The following FAM110B variants were observed in gnomAD, a reference collection of about 807,000 sequenced individuals.
FAM110B encodes family with sequence similarity 110 member B, also known as protein FAM110B.
Under a neutral mutation model 20.4 loss-of-function variants are expected in FAM110B, and 6 were observed. That is an observed-to-expected ratio of 0.29 (90% CI 0.16 to 0.58). The LOEUF is 0.58. Among genes scored for constraint, FAM110B ranks in the 20% least tolerant of loss-of-function variants. FAM110B has a pLI of 0.90. For missense variants in FAM110B, 434 were observed against 498.2 expected, an observed-to-expected ratio of 0.87 and a Z score of 1.23; for synonymous variants, 226 against 214.1, an observed-to-expected ratio of 1.06 and a Z score of -0.49.
At chr8:58,025,245 G>A (rs1399055999) in intron 1 of FAM110B, among the ~76,000 whole-genome samples, 1 of 152,212 alleles carries the variant, frequency 6.6e-6, no homozygotes, top group East Asian at 1.9e-4. Context: ...TCAAAGCTCA[G>A]GGAGGTCAAG....
chr8:58,021,387 C>T (rs183830740), intron 1 of FAM110B, among the ~76,000 whole-genome samples: 8 of 152,266 alleles, frequency 5.3e-5, no homozygotes, highest in Non-Finnish European at 1.0e-4. Context: ...AAGCATTGCT[C>T]TGTAGGACTT....
At chr8:57,997,128 C>T (rs1804200915) in intron 1 of FAM110B, among the ~76,000 whole-genome samples, 1 of 152,156 alleles carries the variant, frequency 6.6e-6, no homozygotes, top group Non-Finnish European at 1.5e-5. Flanking sequence ...AGAAGCAAAA[C>T]TGCTGTAGGC....
intron 2 of FAM110B, among the ~76,000 whole-genome samples, chr8:58,054,973 A>C (rs898305629): frequency 6.6e-6 from 1 of 152,000 alleles, no homozygotes; most frequent in East Asian, 1.9e-4. Flanking sequence ...GCTTAAAATG[A>C]TAAGTAATTC....
At chr8:58,120,129 G>A (rs1807319922) in intron 3 of FAM110B, among the ~76,000 whole-genome samples, 1 of 152,134 alleles carries the variant, frequency 6.6e-6, no homozygotes, top group Admixed American at 6.5e-5. Flanking sequence ...CCACATGGCT[G>A]GAGCATATTT....
At chr8:58,015,339 A>G (rs1804616689) in intron 1 of FAM110B, among the ~76,000 whole-genome samples, 1 of 152,028 alleles carries the variant, frequency 6.6e-6, no homozygotes, top group Non-Finnish European at 1.5e-5. Context: ...CCTGGACGAC[A>G]GAGCAAAACT....
At chr8:58,127,538 A>T (rs559685988) in intron 3 of FAM110B, among the ~76,000 whole-genome samples, 2 of 152,174 alleles carry the variant, frequency 1.3e-5, no homozygotes, top group Non-Finnish European at 2.9e-5. Context: ...GATTGTCTAC[A>T]TAGAAAATCT....
chr8:58,106,020 A>G (rs901465411), intron 3 of FAM110B, among the ~76,000 whole-genome samples: 3 of 152,208 alleles, frequency 2.0e-5, no homozygotes, highest in East Asian at 1.9e-4. Context: ...GTTGTAGTCC[A>G]TTGAATTAGA....
In FAM110B at chr8:58,046,177, A is replaced by G. The variant is rs138236324; in HGVS notation, c.-414+14474A>G. On this transcript the variant is annotated intron_variant, in intron 2 of 3. Transcript: ENST00000519262. Reference sequence around the variant, plus strand: ...TTCAGTAACATAAAATATGATATTCATTAAGCATGGTGGCCAAGTTAGCAT... The same window carrying G: ...TTCAGTAACATAAAATATGATATTCGTTAAGCATGGTGGCCAAGTTAGCAT... Among the ~76,000 whole-genome samples, 30 of 152,354 alleles carry G rather than the reference A, an allele frequency of 2.0e-4. No individual in the cohort carries two copies. The East Asian group carries it at 5.2e-3, about 26-fold the overall frequency.
At chr8:57,996,474 A>G (rs917345134) in intron 1 of FAM110B, among the ~76,000 whole-genome samples, 1 of 152,138 alleles carries the variant, frequency 6.6e-6, no homozygotes, top group African/African-American at 2.4e-5. Context: ...GGTTGTTATT[A>G]TGCCTATGAC....
At chr8:58,075,262 C>CT (rs67819278) in intron 2 of FAM110B, among the ~76,000 whole-genome samples, 3,244 of 124,992 alleles carry the variant, frequency 0.026, 60 homozygotes, top group Non-Finnish European at 0.043. Flanking sequence ...CTAATTTTTG[C>CT]TTTTTTTTTT....
chr8:58,110,025 T>C (rs1044281731), intron 3 of FAM110B, among the ~76,000 whole-genome samples: 3 of 152,184 alleles, frequency 2.0e-5, no homozygotes, highest in African/African-American at 4.8e-5. Flanking sequence ...AACAACACTG[T>C]GAGGACAGAA....
At chr8:58,055,111 G>A (rs535534026) in intron 2 of FAM110B, among the ~76,000 whole-genome samples, 1 of 152,246 alleles carries the variant, frequency 6.6e-6, no homozygotes, top group African/African-American at 2.4e-5. Context: ...TGAGAGTTTG[G>A]GTTTTCAGTA....
rs544936844 is a variant in FAM110B, at chr8:58,058,502, T to C, written c.-413-17033T>C. Among the ~76,000 whole-genome samples the C allele has an allele frequency of 3.3e-5, 5 of 152,272 alleles. No homozygotes were observed. The South Asian group carries it at 6.2e-4, about 19-fold the overall frequency. On this transcript the variant is annotated intron_variant, in intron 2 of 3. Transcript: ENST00000519262. Reference sequence around the variant, plus strand: ...AAAACATAAAGAAAGATGTTTTAAGTCAATGTTAACAGTGATTAACTTTAA... The same window carrying C: ...AAAACATAAAGAAAGATGTTTTAAGCCAATGTTAACAGTGATTAACTTTAA...
chr8:58,070,335 C>T (rs1805864750), intron 2 of FAM110B: 1 of 152,320 alleles, frequency 6.6e-6, no homozygotes, highest in South Asian at 2.1e-4. Context: ...GGAGCATCAG[C>T]GTTAAGGACA....
At chr8:58,001,584 C>G (rs1428728045) in intron 1 of FAM110B, among the ~76,000 whole-genome samples, 1 of 152,132 alleles carries the variant, frequency 6.6e-6, no homozygotes, top group African/African-American at 2.4e-5. Flanking sequence ...GATTGTTCAT[C>G]CCTGGTTGTT....
At position 58,137,990 on chromosome 8, in the gene FAM110B, A is replaced by C. The variant is rs150949584; in HGVS notation, c.-324-7917A>C. Among the ~76,000 whole-genome samples the C allele has an allele frequency of 1.6e-3, 246 of 152,356 alleles. 1 individual carries two copies. Among genetic ancestry groups the C allele is most frequent in the Non-Finnish European group, 3.1e-3 (213 of 68,036 alleles). On this transcript the variant is annotated intron_variant, in intron 3 of 3. Transcript: ENST00000519262. ...TTGGCTTGGAGACCCTGTGAAGAAG[A>C]AGCATCATTTTCCCCTTTACTTGCT...
At chr8:58,000,142 C>T (rs943170039) in intron 1 of FAM110B, among the ~76,000 whole-genome samples, 1 of 152,176 alleles carries the variant, frequency 6.6e-6, no homozygotes, top group Non-Finnish European at 1.5e-5. Flanking sequence ...ATGGCCCATG[C>T]AAAGGCCCTG....
In FAM110B at chr8:58,037,598, C is replaced by T. The variant is rs1805104576; in HGVS notation, c.-414+5895C>T. ...AGGCTGCAGTGAGCTGATAGTGCCA[C>T]TGCACTCCAGCCTGAGCGACAGAGT... On this transcript the variant is annotated intron_variant, in intron 2 of 3. Transcript: ENST00000519262. Among the ~76,000 whole-genome samples the T allele has an allele frequency of 2.0e-5, 3 of 152,028 alleles. No individual in the cohort carries two copies. The South Asian group carries it at 6.2e-4, about 32-fold the overall frequency.
chr8:58,059,758 G>A (rs530125048), intron 2 of FAM110B, among the ~76,000 whole-genome samples: 3 of 151,972 alleles, frequency 2.0e-5, no homozygotes, highest in Non-Finnish European at 4.4e-5. Context: ...TTAAAGAGCA[G>A]TTTATTAATT....
Sources: allele counts gnomAD v4.1 joint callset (sites outside exome capture counted in the v4.1 genomes callset), GRCh38; gene constraint gnomAD v4.1.1; transcripts MANE v1.5; gene names NCBI Gene and HGNC (gene_info 2026-07-23, HGNC 2026-07-21).